NF2: variants seen among roughly 807,000 people sequenced by gnomAD.
NF2 encodes NF2, moesin-ezrin-radixin like (MERLIN) tumor suppressor.
A neutral mutation model predicts 83.7 loss-of-function variants in NF2; 8 were observed. The observed-to-expected ratio is 0.10, with a 90% CI of 0.06 to 0.17. NF2 has a LOEUF of 0.17. Ranked by LOEUF, NF2 falls within the 10% of genes least tolerant of loss-of-function variation. NF2 has a pLI of 1.00. For missense variants in NF2, 533 were observed against 744.4 expected, an observed-to-expected ratio of 0.72 and a Z score of 3.31; for synonymous variants, 266 against 269.6, an observed-to-expected ratio of 0.99 and a Z score of 0.13.
intron 2 of NF2, among the ~76,000 whole-genome samples, chr22:29,638,089 G>A (rs940850465): frequency 6.6e-6 from 1 of 152,176 alleles, no homozygotes; most frequent in Non-Finnish European, 1.5e-5. Flanking sequence ...ACATGTTAAT[G>A]GAGCCTTGTA....
At chr22:29,648,837 G>A (rs1221806115) in intron 4 of NF2, among the ~76,000 whole-genome samples, 1 of 152,088 alleles carries the variant, frequency 6.6e-6, no homozygotes, top group Non-Finnish European at 1.5e-5. Context: ...CTCTATACCC[G>A]CCTCAGCCTC....
chr22:29,609,588 T>C (rs191507366), intron 1 of NF2: 2 of 209,690 alleles, frequency 9.5e-6, no homozygotes, highest in East Asian at 3.0e-4. Context: ...ATAGTGTAGT[T>C]GAAGCCATTC....
chr22:29,694,662 C>G lies in NF2; in HGVS notation c.1738-90C>G. ...AGCCTTCCCTTTCGCTCCCAGCCAC[C>G]TTTGAGGTGAGTCCAAGTGGCAGGA... On this transcript the variant is annotated intron_variant, in intron 15 of 15. Transcript: ENST00000338641. This position sits in a 1 kb window ranked among gnomAD's most constrained non-coding sequence, Gnocchi z 4.1. 1.4e-6 allele frequency: 2 copies of G among 1,390,792 alleles called. No individual in the cohort carries two copies. Among genetic ancestry groups the G allele is most frequent in the South Asian group, 2.4e-5 (2 of 82,212 alleles). The allele number at this position is 1,390,792 out of a possible 1,614,324, so 86.2% of individuals were successfully genotyped here.
At chr22:29,671,535 C>CA (rs969481603) in intron 10 of NF2, among the ~76,000 whole-genome samples, 183 of 150,032 alleles carry the variant, frequency 1.2e-3, no homozygotes, top group African/African-American at 4.2e-3. Flanking sequence ...TCCCCTCCAC[C>CA]AAAAAAAAAG....
chr22:29,640,783 G>T (rs1156641583), intron 3 of NF2, among the ~76,000 whole-genome samples: 2 of 152,120 alleles, frequency 1.3e-5, no homozygotes, highest in Non-Finnish European at 2.9e-5. Flanking sequence ...GTGTGTGTGT[G>T]TGTGTGTGCA....
intron 15 of NF2, chr22:29,683,100 G>T (rs768001634): frequency 2.5e-6 from 4 of 1,614,038 alleles, no homozygotes; most frequent in Non-Finnish European, 3.4e-6. Context: ...TGTGGTGATG[G>T]TGCTGCCCTC....
chr22:29,635,267 G>A (rs2065618033), intron 1 of NF2, among the ~76,000 whole-genome samples: 1 of 152,158 alleles, frequency 6.6e-6, no homozygotes, highest in African/African-American at 2.4e-5. Context: ...AAACCAATCA[G>A]GTATCAGAGG....
At chr22:29,668,255 GC>G (rs1419564728) in intron 9 of NF2, 77 bp from the exon 10 acceptor site, 1 of 1,009,112 alleles carries the variant, frequency 9.9e-7, no homozygotes, top group Non-Finnish European at 1.6e-6. Context: ...AGCTCAAACT[GC>G]TATGGCACTA....
At chr22:29,674,310 G>C (rs2066896156) in intron 12 of NF2, among the ~76,000 whole-genome samples, 1 of 152,208 alleles carries the variant, frequency 6.6e-6, no homozygotes, top group Non-Finnish European at 1.5e-5. Context: ...GACCACCTGA[G>C]CCCCATAGGA....
intron 6 of NF2, 76 bp downstream of exon 6, chr22:29,655,752 C>G: frequency 2.7e-6 from 3 of 1,110,054 alleles, no homozygotes; most frequent in Non-Finnish European, 4.0e-6. Flanking sequence ...AACTGCAAAA[C>G]TAGGACATGC....
intron 1 of NF2, among the ~76,000 whole-genome samples, chr22:29,612,719 CGTT>C (rs2064984199): frequency 6.6e-6 from 1 of 151,962 alleles, no homozygotes; most frequent in Non-Finnish European, 1.5e-5. Flanking sequence ...TAAGACATAA[CGTT>C]GTCAAATTGG....
chr22:29,605,313 C>T (rs182190656), intron 1 of NF2, among the ~76,000 whole-genome samples: 22 of 152,162 alleles, frequency 1.4e-4, no homozygotes, highest in East Asian at 1.9e-4. Flanking sequence ...TACAGGCGTG[C>T]GCCACCTCGT....
intron 12 of NF2, 97 bp downstream of exon 12, chr22:29,673,583 C>A: frequency 7.4e-7 from 1 of 1,355,792 alleles, no homozygotes; most frequent in Non-Finnish European, 1.0e-6. Context: ...TGTCCTCAAG[C>A]TGCTTGCCCA....
At chr22:29,655,083 A>G (rs1382777473) in intron 5 of NF2, among the ~76,000 whole-genome samples, 1 of 152,106 alleles carries the variant, frequency 6.6e-6, no homozygotes, top group East Asian at 1.9e-4. Context: ...GAGATGAGGT[A>G]GGGGTGGGCA....
At chr22:29,608,956 G>T in intron 1 of NF2, 1 of 605,088 alleles carries the variant, frequency 1.7e-6, no homozygotes, top group Non-Finnish European at 3.1e-6. Flanking sequence ...GGCCAATTTA[G>T]GGGCCCAGTG....
At chr22:29,613,830 G>T (rs28881011) in intron 1 of NF2, among the ~76,000 whole-genome samples, 1 of 151,254 alleles carries the variant, frequency 6.6e-6, no homozygotes, top group South Asian at 2.1e-4. Flanking sequence ...TGCAATCTTG[G>T]CTCACTGCAA....
chr22:29,681,314 T>C (rs2067127234), intron 14 of NF2, 125 bp from the exon 15 acceptor site: 2 of 1,126,442 alleles, frequency 1.8e-6, no homozygotes, highest in Middle Eastern at 2.8e-4. Flanking sequence ...AGTGGCCAAG[T>C]AGAGACGTGA....
At chr22:29,664,967 T>G (rs1215931792) in intron 8 of NF2, 23 bp from the exon 9 acceptor site, 1 of 1,569,250 alleles carries the variant, frequency 6.4e-7, no homozygotes. Flanking sequence ...GGACTGAAAC[T>G]GTGTTCTGCT....
Position 29,658,242 on chromosome 22 carries a change from G to A in NF2, c.653G>A (p.Gly218Asp), listed in dbSNP as rs2146990558. ...LKIAQDLEMY[G>D]VNYFAIRNKK... ...ATAGCTCAGGACCTGGAGATGTACGGTGTGAACTACTTTGCAATCCGGGTG... is the reference window on the plus strand; with the variant it reads ...ATAGCTCAGGACCTGGAGATGTACGATGTGAACTACTTTGCAATCCGGGTG... Residue 218 changes from glycine (G) to aspartate (D), a missense_variant, in exon 7 of 16, where the codon GGT (glycine) becomes GAT (aspartate). Gly to Asp is a moderately conservative substitution (Grantham distance 94). Around this residue, in one of 3 missense-constraint regions of NF2, gnomAD observed 326 missense variants for 475.1 expected, o/e 0.69. Coordinates refer to ENST00000338641, the MANE Select transcript of NF2 (RefSeq NM_000268.4). The A allele has an allele frequency of 6.2e-7, 1 of 1,614,158 alleles. No homozygotes were observed. The highest frequency in any genetic ancestry group is 8.5e-7 in the Non-Finnish European group (1 of 1,180,028).
Sources: allele counts gnomAD v4.1 joint callset (sites outside exome capture counted in the v4.1 genomes callset), GRCh38; gene constraint gnomAD v4.1.1; regional missense constraint gnomAD v4.1.1; non-coding constraint Gnocchi (gnomAD v3.1); transcripts MANE v1.5; gene names NCBI Gene and HGNC (gene_info 2026-07-23, HGNC 2026-07-21).